Variants in CCDC93 observed in about 807,000 individuals in gnomAD.
CCDC93 encodes CCC complex scaffolding subunit CCDC93, also known as coiled-coil domain-containing protein 93.
A neutral mutation model predicts 108.2 loss-of-function variants in CCDC93; 61 were observed. The ratio of observed to expected loss-of-function variants is 0.56; its 90% CI spans 0.46 to 0.70. The LOEUF (loss-of-function observed/expected upper bound fraction) is 0.70. CCDC93 is among the 30% of genes least tolerant of loss of function. CCDC93 has a pLI of 0.00. For synonymous variants in CCDC93, 276 were observed against 260.4 expected (o/e 1.06, Z -0.58); for missense variants, 685 against 764.2 (o/e 0.90, Z 1.22).
At chr2:117,987,139 T>G (rs1680346195) in intron 6 of CCDC93, among the ~76,000 whole-genome samples, 1 of 152,196 alleles carries the variant, frequency 6.6e-6, no homozygotes, top group African/African-American at 2.4e-5. Context: ...TTGGCTTTTG[T>G]GAATTATTCC....
chr2:117,931,366 G>GC, intron 22 of CCDC93: 2 of 442,426 alleles, frequency 4.5e-6, no homozygotes, highest in East Asian at 4.0e-5. Flanking sequence ...AGTATTAACT[G>GC]TTTCCATTTT....
chr2:117,948,261 G>A (rs554354874), intron 14 of CCDC93, 75 bp from the exon 15 acceptor site: 17 of 1,066,868 alleles, frequency 1.6e-5, no homozygotes, highest in African/African-American at 3.2e-5. Context: ...AAGCAGGTCC[G>A]CAGCTAAAAA....
chr2:117,973,899 C>T lies in CCDC93; in HGVS notation c.888+9G>A. 1 of 1,603,982 alleles carries T rather than the reference C, an allele frequency of 6.2e-7. No homozygotes were observed. ...CTGGGGCACAGACTCCAGCTGGGCC[C>T]CCACCTACCTTCTCTGCATACTCGG... On this transcript the variant is annotated intron_variant, in intron 11 of 23. Coordinates refer to ENST00000376300, the MANE Select transcript of CCDC93 (RefSeq NM_019044.5).
chr2:117,953,728 C>CAAAA (rs11310138), intron 12 of CCDC93, among the ~76,000 whole-genome samples: 4 of 132,232 alleles, frequency 3.0e-5, no homozygotes, highest in Non-Finnish European at 3.2e-5. Flanking sequence ...CTGCTGTCTC[C>CAAAA]AAAAAAAAAA....
At chr2:118,004,627 C>T (rs1676814790) in intron 3 of CCDC93, among the ~76,000 whole-genome samples, 2 of 152,170 alleles carry the variant, frequency 1.3e-5, no homozygotes, top group South Asian at 4.1e-4. Flanking sequence ...CAAAACCAAA[C>T]AGAAAAGATT....
chr2:117,931,884 G>T (rs777395203), intron 22 of CCDC93, among the ~76,000 whole-genome samples: 11 of 152,176 alleles, frequency 7.2e-5, no homozygotes, highest in African/African-American at 2.7e-4. Context: ...AACAAACATT[G>T]ACTTAGAACC....
At chr2:117,974,807 G>C (rs1260160825) in intron 10 of CCDC93, 43 bp downstream of exon 10, 1 of 1,465,376 alleles carries the variant, frequency 6.8e-7, no homozygotes, top group Admixed American at 1.9e-5. Context: ...AGAGCAGGGT[G>C]GTGCCAAGTC....
chr2:117,985,942 AC>A, intron 7 of CCDC93, 26 bp downstream of exon 7: 1 of 1,329,970 alleles, frequency 7.5e-7, no homozygotes, highest in South Asian at 1.2e-5. Context: ...TTTAAAAGAG[AC>A]ACCTAGACTG....
At chr2:117,935,298 C>T (rs1312683454) in intron 22 of CCDC93, among the ~76,000 whole-genome samples, 197 bp downstream of exon 22, 1 of 152,120 alleles carries the variant, frequency 6.6e-6, no homozygotes, top group African/African-American at 2.4e-5. Flanking sequence ...CTTTTGAACC[C>T]CTGGGTGTAG....
intron 22 of CCDC93, among the ~76,000 whole-genome samples, chr2:117,932,085 A>G (rs1678356135): frequency 6.6e-6 from 1 of 152,122 alleles, no homozygotes; most frequent in Admixed American, 6.5e-5. Flanking sequence ...TGGCCTCCTC[A>G]GCCTGGAAGC....
At chr2:117,932,543 T>G (rs891976678) in intron 22 of CCDC93, among the ~76,000 whole-genome samples, 3 of 152,214 alleles carry the variant, frequency 2.0e-5, no homozygotes, top group Non-Finnish European at 4.4e-5. Flanking sequence ...CAAGACCCTG[T>G]GCCCTGCTCT....
At chr2:117,927,401 T>G (rs1309350285) in intron 23 of CCDC93, among the ~76,000 whole-genome samples, 1 of 152,020 alleles carries the variant, frequency 6.6e-6, no homozygotes, top group Non-Finnish European at 1.5e-5. Flanking sequence ...CTCCTTAAGC[T>G]GATAGATTCA....
At chr2:117,994,232 T>A (rs1680573121) in intron 6 of CCDC93, among the ~76,000 whole-genome samples, 1 of 152,174 alleles carries the variant, frequency 6.6e-6, no homozygotes. Flanking sequence ...TTCCCCTACA[T>A]CTATCAATCT....
chr2:117,948,259 C>A lies in CCDC93; in HGVS notation c.1143-73G>T. 4 of 1,084,382 alleles carry A rather than the reference C, an allele frequency of 3.7e-6. No homozygotes were observed. The South Asian group carries it at 5.3e-5, about 14-fold the overall frequency. The allele number at this position is 1,084,382 out of a possible 1,614,324, so 67.2% of individuals were successfully genotyped here. ...TTATGAATCGCAGCTAAAAGCAGGT[C>A]CGCAGCTAAAAAAGGACTCTCCTTT... On this transcript the variant is annotated intron_variant, in intron 14 of 23. Coordinates refer to ENST00000376300, the MANE Select transcript of CCDC93 (RefSeq NM_019044.5).
In CCDC93 at chr2:117,949,414, A is replaced by G. The variant is rs17511331; in HGVS notation, c.1069-19T>C. The G allele has an allele frequency of 0.071, 113,428 of 1,588,568 alleles. 4,609 individuals are homozygous for G. Among genetic ancestry groups the G allele is most frequent in the Non-Finnish European group, 0.081 (93,840 of 1,157,224 alleles). ...TCTTCAGCTGCAAGAGAGAATGAAG[A>G]CATGGTTGCTGGAGCCTTGGTAGCA... On this transcript the variant is annotated intron_variant, in intron 13 of 23. Coordinates refer to ENST00000376300, the MANE Select transcript of CCDC93 (RefSeq NM_019044.5).
chr2:117,977,536 C>T (rs777940455), intron 8 of CCDC93, among the ~76,000 whole-genome samples: 3 of 152,200 alleles, frequency 2.0e-5, no homozygotes, highest in Non-Finnish European at 4.4e-5. Flanking sequence ...AATCTTTGGG[C>T]ATCCTTTGTG....
chr2:117,937,797 A>T (rs944226398), intron 20 of CCDC93, among the ~76,000 whole-genome samples: 1 of 152,202 alleles, frequency 6.6e-6, no homozygotes, highest in African/African-American at 2.4e-5. Flanking sequence ...CATGAAATGC[A>T]TTCATCTATT....
chr2:118,000,653 A>C (rs1680816647), intron 4 of CCDC93, 168 bp downstream of exon 4: 4 of 574,348 alleles, frequency 7.0e-6, no homozygotes, highest in Non-Finnish European at 1.2e-5. Context: ...AGGACTGGCA[A>C]TCTTCTGAAG....
intron 11 of CCDC93, among the ~76,000 whole-genome samples, chr2:117,973,414 G>GGA (rs1679830192): frequency 7.0e-6 from 1 of 142,312 alleles, no homozygotes; most frequent in Admixed American, 7.0e-5. Context: ...TCTTAGGATG[G>GGA]AAAAAAAAAA....
Sources: allele counts gnomAD v4.1 joint callset (sites outside exome capture counted in the v4.1 genomes callset), GRCh38; gene constraint gnomAD v4.1.1; transcripts MANE v1.5; gene names NCBI Gene and HGNC (gene_info 2026-07-23, HGNC 2026-07-21).